SHC2: variants seen among roughly 807,000 people sequenced by gnomAD.
SHC2 encodes the protein SHC-transforming protein 2.
In SHC2, 62 loss-of-function variants were observed where a neutral mutation model predicts 60.6. The observed-to-expected ratio is 1.02, with a 90% CI of 0.83 to 1.26. SHC2 has a LOEUF of 1.26. Among genes scored for constraint, SHC2 ranks in the 50% most tolerant of loss-of-function variants. SHC2 has a pLI of 0.00. For missense variants in SHC2, 873 were observed against 822.2 expected, an observed-to-expected ratio of 1.06 and a Z score of -0.76; for synonymous variants, 375 against 372.4, an observed-to-expected ratio of 1.01 and a Z score of -0.08.
chr19:420,910 C>T (rs1428773115), intron 11 of SHC2, among the ~76,000 whole-genome samples: 1 of 151,682 alleles, frequency 6.6e-6, no homozygotes, highest in African/African-American at 2.4e-5. Context: ...ATTAGTCAGG[C>T]GTGGTGGTGG....
At chr19:434,185 G>A (rs1002925113) in intron 8 of SHC2, among the ~76,000 whole-genome samples, 3 of 129,302 alleles carry the variant, frequency 2.3e-5, no homozygotes, top group East Asian at 2.4e-4. Context: ...AGAGGAGGCC[G>A]GGCAGATACA....
In SHC2 at chr19:460,573, G is replaced by A; in HGVS notation, c.424C>T (p.Pro142Ser). 7.1e-7 allele frequency: 1 copy of A among 1,417,350 alleles called. No individual in the cohort carries two copies. Among genetic ancestry groups the A allele is most frequent in the Non-Finnish European group, 9.3e-7 (1 of 1,079,732 alleles). 87.8% of individuals were successfully genotyped at this position (1,417,350 alleles called of 1,614,324 possible). A position where few individuals can be genotyped will look rare whatever the true frequency, so the allele number is the denominator to read the frequency against. The change falls in exon 1 of 13, where the codon CCC (proline) becomes TCC (serine). Residue 142 changes from proline to serine, a missense_variant. Physicochemically the swap from Pro to Ser is moderately conservative, Grantham distance 74 (BLOSUM62 -1). Coordinates refer to ENST00000264554, the MANE Select transcript of SHC2 (RefSeq NM_012435.3). Reference protein sequence around the residue: ...IHKPAHGWLHPDARVLGPGVS... With the variant: ...IHKPAHGWLHSDARVLGPGVS... ...CCGGGCCCCAGGACCCTGGCGTCGG[G>A]GTGTAGCCAGCCGTGCGCGGGTTTG... is the stretch of plus-strand genomic sequence containing the variant.
rs762725996 is a variant in SHC2, at chr19:436,660, C to T, written c.744G>A (p.Pro248=). 12 of 1,607,224 alleles carry T rather than the reference C, an allele frequency of 7.5e-6. No individual in the cohort carries two copies. Among genetic ancestry groups the T allele is most frequent in the African/African-American group, 6.7e-5 (5 of 74,898 alleles). Residue 248 remains proline (P), a synonymous_variant, in exon 5 of 13, where the codon CCG becomes CCA. Transcript: ENST00000264554. ...CTCCGCCTGACGCGAAGGAGATGGACGGCATGTGGTGGTTGGCGATGACCT... is the reference window on the plus strand; with the variant it reads ...CTCCGCCTGACGCGAAGGAGATGGATGGCATGTGGTGGTTGGCGATGACCT... ...TRQVIANHHM[P]SISFASGGDT...
Position 422,553 on chromosome 19 carries a change from TCG to T in SHC2, c.1310-99_1310-98del. 1 of 1,045,558 alleles carries T rather than the reference TCG, an allele frequency of 9.6e-7. No homozygotes were observed. Among genetic ancestry groups the T allele is most frequent in the Non-Finnish European group, 1.4e-6 (1 of 734,722 alleles). The allele number at this position is 1,045,558 out of a possible 1,614,324, so 64.8% of individuals were successfully genotyped here. A position where few individuals can be genotyped will look rare whatever the true frequency, so the allele number is the denominator to read the frequency against. The stretch of plus-strand genomic sequence containing the variant: ...AGAAACGGGTTCCCCGGGGAGTCCC[TCG>T]TGCACCCGTCGGCCTGCGCTGACCG... On this transcript the variant is annotated intron_variant, in intron 10 of 12. Coordinates refer to ENST00000264554, the MANE Select transcript of SHC2 (RefSeq NM_012435.3). The surrounding 1 kb of genome is among the most constrained non-coding windows in gnomAD (Gnocchi z 5.0).
At chr19:455,021 C>G (rs1348191274) in intron 1 of SHC2, among the ~76,000 whole-genome samples, 2 of 152,236 alleles carry the variant, frequency 1.3e-5, no homozygotes, top group East Asian at 3.8e-4. Context: ...AGACGGCAGT[C>G]ACCGGGTCAG....
chr19:447,612 C>G (rs1256689484), intron 1 of SHC2, among the ~76,000 whole-genome samples: 1 of 152,128 alleles, frequency 6.6e-6, no homozygotes, highest in Non-Finnish European at 1.5e-5. Flanking sequence ...AACCCCGTCT[C>G]TACTAAAAAT....
intron 6 of SHC2, 43 bp downstream of exon 6, chr19:436,337 C>G: frequency 6.3e-7 from 1 of 1,594,360 alleles, no homozygotes; most frequent in Non-Finnish European, 8.6e-7. Flanking sequence ...ACGGCCGTGC[C>G]CCCCAGCCAC....
In SHC2 at chr19:436,404, C is replaced by T. The variant is rs1282324456; in HGVS notation, c.802G>A (p.Ala268Thr). 16 of 1,593,240 alleles carry T rather than the reference C, an allele frequency of 1.0e-5. No homozygotes were observed. The highest frequency in any genetic ancestry group is 1.1e-5 in the Non-Finnish European group (13 of 1,167,430). ...CCTCTCTGGTTGATGGGGTCCTTGG[C>T]GACGTAGGCCACGTAATCCGTCATG... ...TDMTDYVAYVAKDPINQRACH... is the reference protein window; with the variant it reads ...TDMTDYVAYVTKDPINQRACH... Residue 268 changes from alanine to threonine, a missense_variant, in exon 6 of 13, where the codon GCC (alanine) becomes ACC (threonine). By Grantham distance (58) the Ala-to-Thr change is moderately conservative. Transcript: ENST00000264554.
At chr19:434,547 T>TGA (rs1568287378) in intron 8 of SHC2, among the ~76,000 whole-genome samples, 162 bp downstream of exon 8, 4 of 212 alleles carry the variant, frequency 0.019, no homozygotes, top group Non-Finnish European at 0.048. Context: ...ATTGTGAGTC[T>TGA]GTGAGTAAGT....
intron 1 of SHC2, among the ~76,000 whole-genome samples, chr19:442,907 ATGGACGGGTGG>A (rs1974931091): frequency 8.0e-5 from 1 of 12,542 alleles, no homozygotes; most frequent in Non-Finnish European, 1.3e-4. Flanking sequence ...GAATGGATGG[ATGGACGGGTGG>A]GTGGATGGGT....
At chr19:439,365 T>TC (rs1974802551) in intron 2 of SHC2, 3 of 364,076 alleles carry the variant, frequency 8.2e-6, no homozygotes, top group Non-Finnish European at 1.5e-5. Flanking sequence ...GACCAGTGTG[T>TC]CCCTGGCCTC....
chr19:441,276 G>T lies in SHC2; in HGVS notation c.469-344C>A. On this transcript the variant is annotated intron_variant, in intron 1 of 12. Coordinates refer to ENST00000264554, the MANE Select transcript of SHC2 (RefSeq NM_012435.3). The surrounding 1 kb of genome is among the most constrained non-coding windows in gnomAD (Gnocchi z 4.9). ...CGAAGCCGAGGAGCGTGGGGATGGT[G>T]CGATCCTGAGCACTTCCCTATCTCC... 1.9e-6 allele frequency: 1 copy of T among 516,738 alleles called. No individual in the cohort carries two copies. Among genetic ancestry groups the T allele is most frequent in the Non-Finnish European group, 2.5e-6 (1 of 404,228 alleles). The allele number at this position is 516,738 out of a possible 1,614,324, so 32.0% of individuals were successfully genotyped here.
At chr19:444,460 T>C (rs766100505) in intron 1 of SHC2, among the ~76,000 whole-genome samples, 2 of 151,966 alleles carry the variant, frequency 1.3e-5, no homozygotes, top group Non-Finnish European at 2.9e-5. Context: ...ACTCCGGTTG[T>C]GCGGCTGAAA....
chr19:460,347 C>G (rs1360745759), intron 1 of SHC2, among the ~76,000 whole-genome samples, 182 bp downstream of exon 1: 1 of 152,026 alleles, frequency 6.6e-6, no homozygotes, highest in Non-Finnish European at 1.5e-5. Flanking sequence ...AACCCGGACC[C>G]CAGCGCCTCC....
chr19:441,180 C>T lies in SHC2; in HGVS notation c.469-248G>A, dbSNP rs1974856822. 2 of 984,702 alleles carry T rather than the reference C, an allele frequency of 2.0e-6. No homozygotes were observed. Among genetic ancestry groups the T allele is most frequent in the Non-Finnish European group, 2.4e-6 (2 of 829,598 alleles). 61.0% of individuals were successfully genotyped at this position (984,702 alleles called of 1,614,324 possible). A position where few individuals can be genotyped will look rare whatever the true frequency, so the allele number is the denominator to read the frequency against. On this transcript the variant is annotated intron_variant, in intron 1 of 12. Transcript: ENST00000264554. This position sits in a 1 kb window ranked among gnomAD's most constrained non-coding sequence, Gnocchi z 4.9. ...TGTTTCTCAGGAGCCTGGTGGTTCC[C>T]CCAGACGCTCTATGCTGCTTGTTCA...
Position 420,774 on chromosome 19 carries a change from G to A in SHC2, c.1620+1372C>T, listed in dbSNP as rs748499619. On this transcript the variant is annotated intron_variant, in intron 11 of 12. Coordinates refer to ENST00000264554, the MANE Select transcript of SHC2 (RefSeq NM_012435.3). The stretch of plus-strand genomic sequence containing the variant: ...ATCTTAGAACTGAAGCAGTTAGGCC[G>A]GGCGCGGTGGCTCACGCCTGTAATC... Among the ~76,000 whole-genome samples, 8 of 152,206 alleles carry A rather than the reference G, an allele frequency of 5.3e-5. No individual in the cohort carries two copies. The South Asian group carries it at 8.3e-4, about 16-fold the overall frequency.
At chr19:449,355 G>A (rs1014544748) in intron 1 of SHC2, among the ~76,000 whole-genome samples, 6 of 150,810 alleles carry the variant, frequency 4.0e-5, no homozygotes, top group Non-Finnish European at 8.9e-5. Context: ...GCGAGATCCT[G>A]TCTCAAAAAA....
At position 460,641 on chromosome 19, in the gene SHC2, G is replaced by A. The variant is rs1033842922; in HGVS notation, c.356C>T (p.Ala119Val). 9 of 1,287,192 alleles carry A rather than the reference G, an allele frequency of 7.0e-6. No homozygotes were observed. Among genetic ancestry groups the A allele is most frequent in the Non-Finnish European group, 7.9e-6 (8 of 1,009,070 alleles). 79.7% of individuals were successfully genotyped at this position (1,287,192 alleles called of 1,614,324 possible). A position where few individuals can be genotyped will look rare whatever the true frequency, so the allele number is the denominator to read the frequency against. Residue 119 changes from alanine to valine, a missense_variant, in exon 1 of 13, where the codon GCC (alanine) becomes GTC (valine). Transcript: ENST00000264554. The part of the protein sequence containing the change: ...GGRGAAGSGD[A>V]AAAAEWIRKG... ...CCGGATCCACTCGGCGGCGGCGGCGGCGTCCCCGGACCCCGCCGCCCCCCG... is the reference window on the plus strand; with the variant it reads ...CCGGATCCACTCGGCGGCGGCGGCGACGTCCCCGGACCCCGCCGCCCCCCG...
Position 439,016 on chromosome 19 carries a change from C to G in SHC2, c.554G>C (p.Arg185Pro). 1 of 1,522,500 alleles carries G rather than the reference C, an allele frequency of 6.6e-7. No homozygotes were observed. The highest frequency in any genetic ancestry group is 8.8e-7 in the Non-Finnish European group (1 of 1,134,204). The allele number at this position is 1,522,500 out of a possible 1,614,324, so 94.3% of individuals were successfully genotyped here. Residue 185 changes from arginine to proline, a missense_variant, in exon 3 of 13, where the codon CGG (arginine) becomes CCG (proline). Coordinates refer to ENST00000264554, the MANE Select transcript of SHC2 (RefSeq NM_012435.3). ...RTQVTREAINRLHEAVPGVRG... is the reference protein window; with the variant it reads ...RTQVTREAINPLHEAVPGVRG... ...GACGCCAGGCACGGCCTCATGGAGC[C>G]GGTTGATGGCTTCCCTGGGGTTGGG...
Sources: allele counts gnomAD v4.1 joint callset (sites outside exome capture counted in the v4.1 genomes callset), GRCh38; gene constraint gnomAD v4.1.1; non-coding constraint Gnocchi (gnomAD v3.1); transcripts MANE v1.5; gene names NCBI Gene and HGNC (gene_info 2026-07-23, HGNC 2026-07-21).